GLIS3: variants seen among roughly 807,000 people sequenced by gnomAD.
GLIS3 encodes GLIS family zinc finger 3.
In GLIS3, 53 loss-of-function variants were observed where a neutral mutation model predicts 78.6. The observed-to-expected ratio is 0.67, with a 90% confidence interval of 0.54 to 0.85. The LOEUF is 0.85. Among genes scored for constraint, GLIS3 ranks in the 40% least tolerant of loss-of-function variants. The pLI is 0.00. For synonymous variants in GLIS3, 684 were observed against 509.9 expected (o/e 1.34, Z -4.60); for missense variants, 1,703 against 1,231.1 (o/e 1.38, Z -5.74).
At chr9:4,461,048 T>A in the GLIS3 span, among the ~76,000 whole-genome samples, 5 of 152,216 alleles carry the variant, frequency 3.3e-5, no homozygotes, top group East Asian at 9.6e-4. Context: ...GAGTTGGAGA[T>A]GTTCTCTTAT....
At chr9:4,090,403 C>A (rs1829397632) in intron 4 of GLIS3, among the ~76,000 whole-genome samples, 1 of 151,806 alleles carries the variant, frequency 6.6e-6, no homozygotes, top group South Asian at 2.1e-4. Flanking sequence ...GTTACAGTAC[C>A]CAGGATGTGA....
the GLIS3 span, among the ~76,000 whole-genome samples, chr9:4,419,854 A>G: frequency 6.6e-6 from 1 of 152,128 alleles, no homozygotes; most frequent in Non-Finnish European, 1.5e-5. Flanking sequence ...TCTCAATGAC[A>G]TTACCAAGGG....
At chr9:4,444,667 C>G in the GLIS3 span, among the ~76,000 whole-genome samples, 7 of 152,344 alleles carry the variant, frequency 4.6e-5, no homozygotes, top group South Asian at 1.4e-3. Context: ...GGCTTTCACT[C>G]CCTTTAGATG....
At chr9:4,317,666 G>A (rs890261630) in intron 2 of GLIS3, among the ~76,000 whole-genome samples, 2 of 152,134 alleles carry the variant, frequency 1.3e-5, no homozygotes, top group Non-Finnish European at 2.9e-5. Context: ...AAATCAGCAG[G>A]TTGATCACAA....
rs372661320 is a variant in GLIS3 at position 4,160,803 on chromosome 9, T to C, written c.389-34862A>G. Among the ~76,000 whole-genome samples the C allele has an allele frequency of 5.3e-5, 8 of 152,310 alleles. No homozygotes were observed. The East Asian group carries it at 9.6e-4, about 18-fold the overall frequency. ...TATTCTTTTTTAACTTCTGGAGGCA[T>C]GTAGATGACTTCAAAAGAATATTTA... is the stretch of plus-strand genomic sequence containing the variant. On this transcript the variant is annotated intron_variant, in intron 2 of 10. Transcript: ENST00000381971.
At chr9:3,875,774 A>T (rs1821269221) in intron 8 of GLIS3, among the ~76,000 whole-genome samples, 1 of 152,188 alleles carries the variant, frequency 6.6e-6, no homozygotes, top group South Asian at 2.1e-4. Flanking sequence ...AAGGCAAGGG[A>T]TGGGGCACAC....
intron 2 of GLIS3, among the ~76,000 whole-genome samples, chr9:4,203,087 C>A (rs772849466): frequency 1.3e-5 from 2 of 152,142 alleles, no homozygotes; most frequent in Non-Finnish European, 2.9e-5. Context: ...TGACAAAGAT[C>A]TAATATCCAG....
intron 2 of GLIS3, among the ~76,000 whole-genome samples, chr9:4,324,481 T>G (rs1485948029): frequency 2.0e-5 from 3 of 152,230 alleles, no homozygotes; most frequent in African/African-American, 7.2e-5. Flanking sequence ...GGTGAAAAGT[T>G]CTTTGTCAAC....
chr9:4,307,863 C>G (rs1185290967), intron 4 of GLIS3, among the ~76,000 whole-genome samples: 1 of 152,152 alleles, frequency 6.6e-6, no homozygotes, highest in Non-Finnish European at 1.5e-5. Context: ...CCCTGCCACA[C>G]CTTGATCTTA....
intron 6 of GLIS3, among the ~76,000 whole-genome samples, chr9:3,907,652 AC>A (rs1205994669): frequency 8.0e-5 from 12 of 150,474 alleles, no homozygotes; most frequent in East Asian, 2.0e-4. Flanking sequence ...ACACACACAC[AC>A]ACTACTAAAC....
At chr9:3,867,557 A>G (rs1257051916) in intron 8 of GLIS3, among the ~76,000 whole-genome samples, 1 of 152,252 alleles carries the variant, frequency 6.6e-6, no homozygotes, top group African/African-American at 2.4e-5. Flanking sequence ...TTTTCCATAG[A>G]TTTAAAGAAA....
the GLIS3 span, among the ~76,000 whole-genome samples, chr9:4,396,846 AG>A: frequency 1.3e-5 from 2 of 152,022 alleles, no homozygotes; most frequent in South Asian, 4.1e-4. Context: ...GAGGTTTTGA[AG>A]TAAAGCGAGC....
chr9:3,837,049 T>G (rs78765052), intron 9 of GLIS3, among the ~76,000 whole-genome samples: 5,411 of 152,220 alleles, frequency 0.036, 339 homozygotes, highest in African/African-American at 0.12. Context: ...GTTGGAATAT[T>G]CCCACAGAAT....
chr9:4,414,057 A>T, the GLIS3 span, among the ~76,000 whole-genome samples: 1 of 152,222 alleles, frequency 6.6e-6, no homozygotes, highest in Non-Finnish European at 1.5e-5. Flanking sequence ...AAAACACTAA[A>T]GACTCATGTA....
intron 4 of GLIS3, among the ~76,000 whole-genome samples, chr9:3,940,687 G>A (rs191436456): frequency 8.3e-4 from 127 of 152,270 alleles, no homozygotes; most frequent in Admixed American, 3.0e-3. Context: ...GAAACAGAAG[G>A]TGGCTGAATA....
At chr9:3,991,944 C>A (rs931160022) in intron 4 of GLIS3, among the ~76,000 whole-genome samples, 12 of 152,160 alleles carry the variant, frequency 7.9e-5, no homozygotes, top group Non-Finnish European at 1.6e-4. Flanking sequence ...CCCGCCTCGG[C>A]CTCCCAAAGT....
chr9:4,051,349 G>A (rs1327322613), intron 4 of GLIS3, among the ~76,000 whole-genome samples: 1 of 152,188 alleles, frequency 6.6e-6, no homozygotes, highest in Admixed American at 6.5e-5. Context: ...AAGTGGTTAG[G>A]TAGACAGAAG....
At chr9:4,230,766 T>A (rs1339731262) in intron 2 of GLIS3, among the ~76,000 whole-genome samples, 1 of 152,098 alleles carries the variant, frequency 6.6e-6, no homozygotes, top group Non-Finnish European at 1.5e-5. Flanking sequence ...AAAGCAAATA[T>A]CTCTCAAGTT....
intron 2 of GLIS3, among the ~76,000 whole-genome samples, chr9:4,225,297 A>G (rs947235407): frequency 9.2e-5 from 14 of 152,154 alleles, no homozygotes; most frequent in Admixed American, 1.3e-4. Flanking sequence ...TGTTTTATTT[A>G]GTTGATTTTC....
Sources: allele counts gnomAD v4.1 joint callset (sites outside exome capture counted in the v4.1 genomes callset), GRCh38; gene constraint gnomAD v4.1.1; transcripts MANE v1.5; gene names NCBI Gene and HGNC (gene_info 2026-07-23, HGNC 2026-07-21).